L3MBTL2: variants seen among roughly 807,000 people sequenced by gnomAD.
The protein encoded by L3MBTL2 is L3MBTL histone methyl-lysine binding protein 2.
A neutral mutation model predicts 86.4 loss-of-function variants in L3MBTL2; 49 were observed. That is an observed-to-expected ratio of 0.57 (90% CI 0.45 to 0.72). L3MBTL2 has a LOEUF of 0.72. Among genes scored for constraint, L3MBTL2 ranks in the 30% least tolerant of loss-of-function variants. L3MBTL2 has a pLI of 0.00. For synonymous variants in L3MBTL2, 336 were observed against 350.6 expected, an observed-to-expected ratio of 0.96 and a Z score of 0.47; for missense variants, 755 against 923.7, an observed-to-expected ratio of 0.82 and a Z score of 2.37.
chr22:41,208,347 C>G (rs1321582128), intron 1 of L3MBTL2: 1 of 444,720 alleles, frequency 2.2e-6, no homozygotes, highest in Non-Finnish European at 4.5e-6. Context: ...CAAGGCTGGT[C>G]TCAAACTCCT....
intron 2 of L3MBTL2, among the ~76,000 whole-genome samples, chr22:41,211,956 C>T (rs1157799497): frequency 4.8e-5 from 7 of 146,934 alleles, no homozygotes; most frequent in East Asian, 2.0e-4. Context: ...CTCCGCCTCC[C>T]GGGTTCACGC....
intron 2 of L3MBTL2, 110 bp from the exon 3 acceptor site, chr22:41,213,783 G>A: frequency 8.4e-7 from 1 of 1,194,484 alleles, no homozygotes. Context: ...CCTTTGTGGG[G>A]GCAGGGGCTC....
Position 41,216,123 on chromosome 22 carries a change from C to A in L3MBTL2, c.397-16C>A. ...CCAGCCGCCAGGCTACACATAGCCT[C>A]TGTCCTCCTCTCCAGGGAAAACCAC... On this transcript the variant is annotated splice_polypyrimidine_tract_variant and intron_variant, in intron 3 of 16. Coordinates refer to ENST00000216237, the MANE Select transcript of L3MBTL2 (RefSeq NM_031488.5). The A allele has an allele frequency of 6.2e-7, 1 of 1,607,930 alleles. No individual in the cohort carries two copies. The highest frequency in any genetic ancestry group is 1.1e-5 in the South Asian group (1 of 90,030).
At position 41,216,185 on chromosome 22, in the gene L3MBTL2, G is replaced by A; in HGVS notation, c.443G>A (p.Trp148Ter). 3 of 1,614,094 alleles carry A rather than the reference G, an allele frequency of 1.9e-6. No individual in the cohort carries two copies. The highest frequency in any genetic ancestry group is 2.5e-6 in the Non-Finnish European group (3 of 1,179,998). ...KKAKVLHKAA[W>*]SAKIGAFLHS... ...GCCAAAGTCCTGCACAAGGCTGCCT[G>A]GTCTGCCAAAATTGGAGCCTTCCTC... is the stretch of plus-strand genomic sequence containing the variant. The change falls in exon 4 of 17, where the codon TGG becomes TAG. Residue 148 changes from tryptophan (W) to a stop codon, truncating the protein, a stop_gained. Coordinates refer to ENST00000216237, the MANE Select transcript of L3MBTL2 (RefSeq NM_031488.5). LOFTEE classifies it high-confidence loss of function.
rs67934576 is a variant in L3MBTL2 at position 41,209,106 on chromosome 22, CTTTT to C, written c.25-578_25-575del. The C allele has an allele frequency of 7.3e-5, 10 of 137,910 alleles. 1 individual carries two copies. In the South Asian group the frequency reaches 2.1e-3, roughly 29 times the overall value. The allele number at this position is 137,910 out of a possible 1,614,324, so 8.5% of individuals were successfully genotyped here. The stretch of plus-strand genomic sequence containing the variant: ...TTGTGAAGTACCTTAGGATATTTCA[CTTTT>C]TTTTTTTTTTTGAGATGGAGTCTTG... On this transcript the variant is annotated intron_variant, in intron 1 of 16. Transcript: ENST00000216237.
chr22:41,214,054 C>T (rs117729753), intron 3 of L3MBTL2, 28 bp downstream of exon 3: 19 of 1,612,492 alleles, frequency 1.2e-5, no homozygotes, highest in African/African-American at 2.7e-5. Flanking sequence ...GGATCCTTCC[C>T]GGTGCCTTTG....
intron 12 of L3MBTL2, 65 bp downstream of exon 12, chr22:41,226,006 G>T (rs2032158910): frequency 3.2e-6 from 5 of 1,539,972 alleles, no homozygotes; most frequent in Non-Finnish European, 4.4e-6. Flanking sequence ...TCCAGGCGCG[G>T]TGGCTCCCGC....
At chr22:41,229,180 C>T (rs533828329) in intron 15 of L3MBTL2, among the ~76,000 whole-genome samples, 4 of 152,152 alleles carry the variant, frequency 2.6e-5, no homozygotes, top group Admixed American at 2.6e-4. Flanking sequence ...TCACCTGAGC[C>T]TGGGAGGTCA....
Position 41,225,193 on chromosome 22 carries a change from G to A in L3MBTL2, c.1356+122G>A. ...GTGTCCCAGCCTCTCATCACTGGCT[G>A]CACCCAGAGTCCCTGACTTTTGTGA... On this transcript the variant is annotated intron_variant, in intron 11 of 16. Transcript: ENST00000216237. This position sits in a 1 kb window ranked among gnomAD's most constrained non-coding sequence, Gnocchi z 4.1. The A allele has an allele frequency of 4.1e-6, 3 of 734,200 alleles. No homozygotes were observed. Among genetic ancestry groups the A allele is most frequent in the Non-Finnish European group, 2.2e-6 (1 of 450,516 alleles). 45.5% of individuals were successfully genotyped at this position (734,200 alleles called of 1,614,324 possible).
chr22:41,213,241 T>C (rs923624349), intron 2 of L3MBTL2, among the ~76,000 whole-genome samples: 1 of 152,062 alleles, frequency 6.6e-6, no homozygotes, highest in Non-Finnish European at 1.5e-5. Flanking sequence ...AATAAAACAC[T>C]GATCTAGTTC....
intron 2 of L3MBTL2, 117 bp downstream of exon 2, chr22:41,210,050 A>T: frequency 7.4e-7 from 1 of 1,345,348 alleles, no homozygotes; most frequent in African/African-American, 1.5e-5. Flanking sequence ...ATTAACTCTG[A>T]TTTCTAAGGG....
intron 1 of L3MBTL2, among the ~76,000 whole-genome samples, chr22:41,205,756 C>T (rs575817470): frequency 1.3e-5 from 2 of 152,204 alleles, no homozygotes; most frequent in African/African-American, 4.8e-5. Flanking sequence ...GTTGGGTGAA[C>T]ATCACTCCTT....
At chr22:41,217,231 G>C in intron 5 of L3MBTL2, 29 bp downstream of exon 5, 5 of 1,561,562 alleles carry the variant, frequency 3.2e-6, no homozygotes, top group Non-Finnish European at 4.4e-6. Context: ...AGGGAGGGAG[G>C]CCGGGGAGCC....
chr22:41,217,701 G>T (rs951368483), intron 5 of L3MBTL2: 5 of 160,294 alleles, frequency 3.1e-5, no homozygotes, highest in Middle Eastern at 2.9e-3. Context: ...ATATCCAGCA[G>T]CTGTGACGTG....
intron 5 of L3MBTL2, chr22:41,219,063 C>T (rs1489051988): frequency 2.8e-5 from 6 of 216,558 alleles, no homozygotes; most frequent in African/African-American, 1.1e-4. Context: ...CTAATATCAG[C>T]GCCCTGCCAT....
chr22:41,215,573 C>A, intron 3 of L3MBTL2, among the ~76,000 whole-genome samples: 1 of 152,192 alleles, frequency 6.6e-6, no homozygotes, highest in Non-Finnish European at 1.5e-5. Flanking sequence ...GTGGCCATTC[C>A]CTTTGGAAAG....
rs1484477990 is a variant in L3MBTL2, at chr22:41,227,341, C to G, written c.1822+18C>G. 1 of 1,568,436 alleles carries G rather than the reference C, an allele frequency of 6.4e-7. No individual in the cohort carries two copies. The highest frequency in any genetic ancestry group is 8.7e-7 in the Non-Finnish European group (1 of 1,154,650). ...GGCCGCAGGTGTGGGCTCTCGTGGC[C>G]CTAAGAGGCTCTGACTTTCTTTCCT... On this transcript the variant is annotated intron_variant, in intron 14 of 16. Coordinates refer to ENST00000216237, the MANE Select transcript of L3MBTL2 (RefSeq NM_031488.5). The surrounding 1 kb of genome is among the most constrained non-coding windows in gnomAD (Gnocchi z 6.0).
At chr22:41,219,607 T>C (rs60358514) in intron 6 of L3MBTL2, 71 bp downstream of exon 6, 1 of 1,012,944 alleles carries the variant, frequency 9.9e-7, no homozygotes. Flanking sequence ...TGAACAGTGT[T>C]GTAGGCAGGA....
At chr22:41,219,900 C>T (rs2031689528) in intron 6 of L3MBTL2, among the ~76,000 whole-genome samples, 1 of 152,218 alleles carries the variant, frequency 6.6e-6, no homozygotes, top group African/African-American at 2.4e-5. Context: ...CTGGCCACCA[C>T]ACACGGCTAA....
Sources: allele counts gnomAD v4.1 joint callset (sites outside exome capture counted in the v4.1 genomes callset), GRCh38; gene constraint gnomAD v4.1.1; non-coding constraint Gnocchi (gnomAD v3.1); transcripts MANE v1.5; gene names NCBI Gene and HGNC (gene_info 2026-07-23, HGNC 2026-07-21).